The following EML2 variants were observed in gnomAD, a reference collection of about 807,000 sequenced individuals.
The protein encoded by EML2 is echinoderm microtubule-associated protein-like 2.
In EML2, 59 loss-of-function variants were observed where a neutral mutation model predicts 84.7. The ratio of observed to expected loss-of-function variants is 0.70; its 90% CI spans 0.56 to 0.86. EML2 has a LOEUF of 0.86. Ranked by LOEUF, EML2 falls within the 40% of genes least tolerant of loss-of-function variation. The pLI is 0.00. For synonymous variants in EML2, 352 were observed against 348.9 expected (o/e 1.01, Z -0.10); for missense variants, 818 against 855.6 (o/e 0.96, Z 0.55).
chr19:45,616,299 C>T, intron 15 of EML2, 162 bp downstream of exon 15: 1 of 603,478 alleles, frequency 1.7e-6, no homozygotes, highest in South Asian at 2.0e-5. Flanking sequence ...GGGCTTAGAA[C>T]ACACGAGGTG....
chr19:45,638,714 A>G (rs1028904066), intron 2 of EML2, 80 bp from the exon 3 acceptor site: 4 of 1,583,664 alleles, frequency 2.5e-6, no homozygotes, highest in Admixed American at 1.8e-5. Context: ...TTATTTATTT[A>G]TTTTTTTAAA....
intron 9 of EML2, chr19:45,623,538 T>A (rs575716213): frequency 6.6e-6 from 1 of 151,110 alleles, no homozygotes; most frequent in Non-Finnish European, 1.5e-5. Flanking sequence ...TAAAAAAAAA[T>A]TCTTTATTAA....
In EML2 at chr19:45,616,543, G is replaced by C. The variant is rs752102640; in HGVS notation, c.1427C>G (p.Ala476Gly). 6.2e-7 allele frequency: 1 copy of C among 1,610,704 alleles called. No homozygotes were observed. ...VSFSPDGAYL[A>G]VGSHDNLVYV... Reference sequence around the variant, plus strand: ...CACCAAGTTGTCGTGGGAGCCCACGGCCAGGTACGCCCCGTCTGGGGGAGG... The same window carrying C: ...CACCAAGTTGTCGTGGGAGCCCACGCCCAGGTACGCCCCGTCTGGGGGAGG... Residue 476 changes from alanine to glycine, a missense_variant, in exon 15 of 19, where the codon GCC (alanine) becomes GGC (glycine). Transcript: ENST00000245925.
At chr19:45,641,195 CCT>C (rs778491543), upstream of EML2, 1 of 158,176 alleles carries the variant, frequency 6.3e-6, no homozygotes, top group African/African-American at 2.4e-5. Context: ...CTGGTCTCAG[CCT>C]CTGTTACTCC....
intron 9 of EML2, among the ~76,000 whole-genome samples, chr19:45,622,107 C>T (rs549106619): frequency 1.3e-5 from 2 of 152,252 alleles, no homozygotes; most frequent in South Asian, 2.1e-4. Context: ...GCCACCTACC[C>T]ACTCAAATAC....
chr19:45,636,784 T>TA (rs1371147417), intron 3 of EML2, among the ~76,000 whole-genome samples: 1 of 152,166 alleles, frequency 6.6e-6, no homozygotes, highest in Non-Finnish European at 1.5e-5. Context: ...CTGTCTCTAC[T>TA]AAAAAACACA....
upstream of EML2, chr19:45,642,456 T>C: frequency 6.9e-7 from 1 of 1,452,058 alleles, no homozygotes; most frequent in African/African-American, 1.4e-5. Context: ...GCCACGCCCC[T>C]TTCCTGTCCC....
intron 17 of EML2, 27 bp downstream of exon 17, chr19:45,614,578 T>C: frequency 6.3e-7 from 1 of 1,592,560 alleles, no homozygotes; most frequent in Non-Finnish European, 8.6e-7. Context: ...CTGTCCTCAG[T>C]GAGACCTCTC....
chr19:45,639,077 GA>G, intron 1 of EML2: 1 of 747,186 alleles, frequency 1.3e-6, no homozygotes, highest in Non-Finnish European at 2.4e-6. Flanking sequence ...GAGAGGCAGT[GA>G]TCGCCAAAGA....
intron 7 of EML2, among the ~76,000 whole-genome samples, chr19:45,627,827 C>A (rs149926470): frequency 0.084 from 12,757 of 151,900 alleles, 1,040 homozygotes; most frequent in African/African-American, 0.2. Flanking sequence ...TTTGGGAGGC[C>A]AAGGCGGGTG....
intron 13 of EML2, 147 bp from the exon 14 acceptor site, chr19:45,617,000 C>G (rs967647529): frequency 1.6e-6 from 1 of 636,758 alleles, no homozygotes; most frequent in African/African-American, 1.8e-5. Context: ...AATCCCAGCA[C>G]GCTGGGAGGC....
In EML2 at chr19:45,638,606, C is replaced by T. The variant is rs561266460; in HGVS notation, c.78G>A (p.Arg26=). The change falls in exon 3 of 19, where the codon AGG becomes AGA. Residue 26 remains arginine, a synonymous_variant. Coordinates refer to ENST00000245925, the MANE Select transcript of EML2 (RefSeq NM_012155.4). ...GGATCATCATGGGCACAGGGCGGCC[C>T]CTCAGGAACATTTTCACGGAGCCAT... is the stretch of plus-strand genomic sequence containing the variant. ...VEDGSVKMFL[R]GRPVPMMIPD... is the part of the protein sequence containing the mutation. 1 of 1,614,016 alleles carries T rather than the reference C, an allele frequency of 6.2e-7. No individual in the cohort carries two copies. Among genetic ancestry groups the T allele is most frequent in the South Asian group, 1.1e-5 (1 of 91,074 alleles).
intron 3 of EML2, among the ~76,000 whole-genome samples, chr19:45,637,967 G>A (rs757175255): frequency 7.9e-5 from 12 of 151,502 alleles, no homozygotes; most frequent in East Asian, 2.0e-4. Flanking sequence ...ATGAGCCACC[G>A]CGCCCGGCCT....
chr19:45,626,960 C>CTTTTT (rs5828242), intron 7 of EML2, 121 bp from the exon 8 acceptor site: 63 of 527,878 alleles, frequency 1.2e-4, no homozygotes, highest in South Asian at 1.4e-4. Context: ...CTGAACTTTT[C>CTTTTT]TTTTTTTTTT....
intron 3 of EML2, among the ~76,000 whole-genome samples, chr19:45,635,325 G>A (rs1163232445): frequency 6.6e-6 from 1 of 151,988 alleles, no homozygotes; most frequent in East Asian, 1.9e-4. Flanking sequence ...TTTTAGTAGA[G>A]ATGGGGTTTC....
chr19:45,631,259 T>G (rs1972990153), intron 6 of EML2, among the ~76,000 whole-genome samples: 1 of 152,150 alleles, frequency 6.6e-6, no homozygotes, highest in Non-Finnish European at 1.5e-5. Flanking sequence ...CCCCAAGCTC[T>G]TAAATGTTTC....
rs770233699 is a variant in EML2 at position 45,621,605 on chromosome 19, C to T, written c.874G>A (p.Ala292Thr). 38 of 1,609,426 alleles carry T rather than the reference C, an allele frequency of 2.4e-5. No individual in the cohort carries two copies. The highest frequency in any genetic ancestry group is 1.6e-4 in the African/African-American group (12 of 74,918). The stretch of plus-strand genomic sequence containing the variant: ...AGCCCAAACACGCCGCCGTCGTGGG[C>T]GCCCAGCACCGCCTGTGTGATACGG... The part of the protein sequence containing the change: ...GNRITQAVLG[A>T]HDGGVFGLCA... The change falls in exon 10 of 19, where the codon GCC becomes ACC. Residue 292 changes from alanine (A) to threonine (T), a missense_variant. Ala to Thr is a moderately conservative substitution (Grantham distance 58). Coordinates refer to ENST00000245925, the MANE Select transcript of EML2 (RefSeq NM_012155.4).
chr19:45,615,743 T>A, intron 16 of EML2, 59 bp downstream of exon 16: 32 of 1,394,522 alleles, frequency 2.3e-5, no homozygotes, highest in Non-Finnish European at 3.0e-5. Context: ...CTCCCAGAAC[T>A]CAGGGAAGTC....
chr19:45,612,360 G>A (rs112283811), intron 18 of EML2, among the ~76,000 whole-genome samples: 85 of 152,270 alleles, frequency 5.6e-4, no homozygotes, highest in African/African-American at 1.9e-3. Flanking sequence ...CACCGCACCC[G>A]GCCACATATG....
Sources: allele counts gnomAD v4.1 joint callset (sites outside exome capture counted in the v4.1 genomes callset), GRCh38; gene constraint gnomAD v4.1.1; transcripts MANE v1.5; gene names NCBI Gene and HGNC (gene_info 2026-07-23, HGNC 2026-07-21).